SLC2A13: variants seen among roughly 807,000 people sequenced by gnomAD.
SLC2A13 encodes proton myo-inositol cotransporter.
SLC2A13 carries 32 observed loss-of-function variants against 64.4 expected under a neutral mutation model. The observed-to-expected ratio is 0.50, with a 90% confidence interval of 0.37 to 0.67. SLC2A13 has a LOEUF of 0.67. Ranked by LOEUF, SLC2A13 falls within the 30% of genes least tolerant of loss-of-function variation. The pLI is 0.00. For missense variants in SLC2A13, 743 were observed against 829.2 expected (o/e 0.90, Z 1.28); for synonymous variants, 338 against 327.1 (o/e 1.03, Z -0.36).
intron 3 of SLC2A13, among the ~76,000 whole-genome samples, chr12:39,981,707 C>T (rs1437286154): frequency 6.6e-6 from 1 of 151,660 alleles, no homozygotes; most frequent in African/African-American, 2.4e-5. Context: ...CAAAAAGAGT[C>T]CAGGACCAGA....
At chr12:39,966,441 A>G (rs1343666965) in intron 3 of SLC2A13, among the ~76,000 whole-genome samples, 1 of 152,134 alleles carries the variant, frequency 6.6e-6, no homozygotes, top group Admixed American at 6.6e-5. Flanking sequence ...ACAAAGCTAA[A>G]TGTTCTGGAA....
intron 7 of SLC2A13, among the ~76,000 whole-genome samples, chr12:39,817,909 C>A (rs1320374858): frequency 6.6e-6 from 1 of 152,206 alleles, no homozygotes; most frequent in Non-Finnish European, 1.5e-5. Context: ...GTTTCCTGAA[C>A]TAGCTTCCAG....
intron 4 of SLC2A13, among the ~76,000 whole-genome samples, chr12:39,894,074 A>G (rs767048409): frequency 3.9e-5 from 6 of 152,228 alleles, no homozygotes; most frequent in Non-Finnish European, 8.8e-5. Flanking sequence ...AATACATTTT[A>G]ATAAATGTTT....
Position 39,978,542 on chromosome 12 carries a change from G to T in SLC2A13, c.926-27177C>A, listed in dbSNP as rs528018657. Among the ~76,000 whole-genome samples the T allele has an allele frequency of 7.9e-4, 120 of 152,296 alleles. No individual in the cohort carries two copies. The Middle Eastern group carries it at 0.01, about 13-fold the overall frequency. ...CAAGGGGTCAGGGAGTTCCCTTTCG[G>T]AGTCAAAGAAAGGGGTGACGGATGC... On this transcript the variant is annotated intron_variant, in intron 3 of 9. Transcript: ENST00000280871.
At chr12:40,059,586 G>A (rs1372675103) in intron 1 of SLC2A13, among the ~76,000 whole-genome samples, 1 of 152,122 alleles carries the variant, frequency 6.6e-6, no homozygotes, top group Non-Finnish European at 1.5e-5. Context: ...GAAATACATA[G>A]GACAATGTAT....
chr12:39,792,708 A>T (rs552067042), intron 7 of SLC2A13, among the ~76,000 whole-genome samples: 1 of 151,976 alleles, frequency 6.6e-6, no homozygotes, highest in South Asian at 2.1e-4. Flanking sequence ...ACCAAAGTAT[A>T]TGTGGGTTTT....
intron 4 of SLC2A13, among the ~76,000 whole-genome samples, chr12:39,928,806 A>G (rs1945773022): frequency 1.3e-5 from 2 of 152,214 alleles, no homozygotes; most frequent in South Asian, 4.1e-4. Flanking sequence ...AAACCTAATC[A>G]CAACAAAGTA....
chr12:40,029,037 A>G (rs536442836), intron 2 of SLC2A13, among the ~76,000 whole-genome samples: 48 of 152,134 alleles, frequency 3.2e-4, no homozygotes, highest in Non-Finnish European at 4.7e-4. Flanking sequence ...CATCATGTTC[A>G]TCATCATTAA....
chr12:39,967,979 C>T (rs917254240), intron 3 of SLC2A13, among the ~76,000 whole-genome samples: 1 of 152,196 alleles, frequency 6.6e-6, no homozygotes, highest in African/African-American at 2.4e-5. Context: ...CATAATTTCA[C>T]CTCACTTTGC....
intron 7 of SLC2A13, among the ~76,000 whole-genome samples, chr12:39,766,065 C>G (rs1940339467): frequency 6.6e-6 from 1 of 152,032 alleles, no homozygotes; most frequent in African/African-American, 2.4e-5. Context: ...TTATAGTTTC[C>G]TTGATTTGGA....
intron 4 of SLC2A13, among the ~76,000 whole-genome samples, chr12:39,893,529 A>C (rs1944666453): frequency 6.6e-6 from 1 of 152,146 alleles, no homozygotes. Flanking sequence ...CAAACTCCTG[A>C]CCTCAGGTGA....
intron 6 of SLC2A13, among the ~76,000 whole-genome samples, chr12:39,860,633 A>G (rs1943735027): frequency 6.6e-6 from 1 of 152,190 alleles, no homozygotes; most frequent in African/African-American, 2.4e-5. Context: ...TCTTATTTTT[A>G]TGATTTAGTC....
chr12:40,102,886 C>A (rs1939194457), intron 1 of SLC2A13, among the ~76,000 whole-genome samples: 1 of 152,042 alleles, frequency 6.6e-6, no homozygotes, highest in Non-Finnish European at 1.5e-5. Flanking sequence ...AATTTTAATC[C>A]TAATTTGAAG....
intron 7 of SLC2A13, among the ~76,000 whole-genome samples, chr12:39,797,727 AACACACAC>A (rs1555237479): frequency 1.2e-5 from 1 of 83,998 alleles, no homozygotes; most frequent in African/African-American, 4.5e-5. Flanking sequence ...AGTTATGGTA[AACACACAC>A]ACACACACAC....
intron 4 of SLC2A13, among the ~76,000 whole-genome samples, chr12:39,888,255 C>T (rs1056557098): frequency 1.3e-5 from 2 of 152,094 alleles, no homozygotes; most frequent in African/African-American, 4.8e-5. Context: ...GAAGGAGTCT[C>T]ACTCTGTCAC....
intron 3 of SLC2A13, among the ~76,000 whole-genome samples, chr12:39,955,378 C>G (rs149520162): frequency 6.6e-6 from 1 of 152,208 alleles, no homozygotes; most frequent in East Asian, 1.9e-4. Context: ...CTTAGGAAAC[C>G]TTCAACCTTA....
chr12:40,054,201 T>C (rs1166057509), intron 1 of SLC2A13, among the ~76,000 whole-genome samples: 3 of 152,188 alleles, frequency 2.0e-5, no homozygotes, highest in Admixed American at 6.5e-5. Flanking sequence ...TCTGGTACTA[T>C]AACTCAAAGA....
At chr12:39,798,429 C>T (rs1005088180) in intron 7 of SLC2A13, among the ~76,000 whole-genome samples, 4 of 152,158 alleles carry the variant, frequency 2.6e-5, no homozygotes, top group African/African-American at 7.2e-5. Flanking sequence ...AAATGAAGAT[C>T]AATTAACTTG....
intron 3 of SLC2A13, among the ~76,000 whole-genome samples, chr12:39,988,624 AG>A (rs1947071503): frequency 7.4e-6 from 1 of 134,286 alleles, no homozygotes; most frequent in Non-Finnish European, 1.6e-5. Flanking sequence ...GAGGAGGGGA[AG>A]GAGGAGGAGG....
Sources: allele counts gnomAD v4.1 joint callset (sites outside exome capture counted in the v4.1 genomes callset), GRCh38; gene constraint gnomAD v4.1.1; transcripts MANE v1.5; gene names NCBI Gene and HGNC (gene_info 2026-07-23, HGNC 2026-07-21).